The following RBM20 variants were observed in gnomAD, a reference collection of about 807,000 sequenced individuals.
RBM20 encodes RNA-binding protein 20.
Under a neutral mutation model 110.1 loss-of-function variants are expected in RBM20, and 51 were observed. The ratio of observed to expected loss-of-function variants is 0.46; its 90% confidence interval spans 0.37 to 0.59. The LOEUF (loss-of-function observed/expected upper bound fraction) is 0.59, where lower values mean the gene tolerates loss of function less well. Ranked by LOEUF, RBM20 falls within the 20% of genes least tolerant of loss-of-function variation. The pLI is 0.00. For missense variants in RBM20, 1,512 were observed against 1,574.9 expected (o/e 0.96, Z 0.68); for synonymous variants, 589 against 618.2 (o/e 0.95, Z 0.70).
At chr10:110,647,943 G>A (rs548648782) in intron 1 of RBM20, among the ~76,000 whole-genome samples, 1 of 152,292 alleles carries the variant, frequency 6.6e-6, no homozygotes, top group African/African-American at 2.4e-5. Context: ...ACTAGCCATG[G>A]AGGAAAGAAA....
intron 1 of RBM20, 54 bp from the exon 2 acceptor site, chr10:110,780,747 C>G: frequency 6.8e-7 from 1 of 1,466,678 alleles, no homozygotes; most frequent in Non-Finnish European, 9.0e-7. Flanking sequence ...AGAACAGCCC[C>G]TTGCCCCCCT....
chr10:110,786,227 A>T (rs1385766861), intron 5 of RBM20, among the ~76,000 whole-genome samples: 1 of 152,204 alleles, frequency 6.6e-6, no homozygotes, highest in East Asian at 1.9e-4. Flanking sequence ...GCTGGAGGGC[A>T]CCTGTTTGTG....
In RBM20 at chr10:110,797,756, C is replaced by T. The variant is rs6585014; in HGVS notation, c.1668+108C>T. 0.17 allele frequency: 194,952 copies of T among 1,178,428 alleles called. 20,509 individuals are homozygous for T. The highest frequency in any genetic ancestry group is 0.56 in the East Asian group (21,736 of 38,862). The allele number at this position is 1,178,428 out of a possible 1,614,324, so 73.0% of individuals were successfully genotyped here. A position where few individuals can be genotyped will look rare whatever the true frequency, so the allele number is the denominator to read the frequency against. Reference sequence around the variant, plus strand: ...CCATTCTTAACATAAAGAGGCGATGCCGTAGCTGGCCTTCTGTTGGCATGG... The same window carrying T: ...CCATTCTTAACATAAAGAGGCGATGTCGTAGCTGGCCTTCTGTTGGCATGG... On this transcript the variant is annotated intron_variant, in intron 6 of 13. Coordinates refer to ENST00000369519, the MANE Select transcript of RBM20 (RefSeq NM_001134363.3).
chr10:110,712,871 A>T (rs1182437047), intron 1 of RBM20, among the ~76,000 whole-genome samples: 1 of 152,186 alleles, frequency 6.6e-6, no homozygotes, highest in Non-Finnish European at 1.5e-5. Context: ...GTTTGGCATA[A>T]ACTGTTTTTG....
intron 1 of RBM20, among the ~76,000 whole-genome samples, chr10:110,763,627 G>A (rs1046112948): frequency 6.6e-5 from 10 of 151,784 alleles, no homozygotes; most frequent in African/African-American, 9.7e-5. Flanking sequence ...AAGGAGAAAA[G>A]TAAAAAAAAG....
At chr10:110,805,058 G>A (rs1844677826) in intron 7 of RBM20, among the ~76,000 whole-genome samples, 3 of 152,218 alleles carry the variant, frequency 2.0e-5, no homozygotes. Context: ...GAAGATGATT[G>A]AGAGTCTTCT....
intron 5 of RBM20, among the ~76,000 whole-genome samples, chr10:110,796,773 A>G (rs1293278747): frequency 6.6e-6 from 1 of 152,190 alleles, no homozygotes; most frequent in Non-Finnish European, 1.5e-5. Context: ...ATTATTCTAT[A>G]TCAGCACATT....
chr10:110,702,933 G>A, intron 1 of RBM20, among the ~76,000 whole-genome samples: 1 of 151,304 alleles, frequency 6.6e-6, no homozygotes, highest in East Asian at 1.9e-4. Flanking sequence ...TGAGCACCAT[G>A]TAAGTGTTTG....
intron 9 of RBM20, among the ~76,000 whole-genome samples, chr10:110,813,194 G>A (rs955063359): frequency 3.3e-5 from 5 of 152,160 alleles, no homozygotes; most frequent in Non-Finnish European, 5.9e-5. Flanking sequence ...GAGAACTTAC[G>A]TTATTTGTCC....
At chr10:110,673,579 G>A (rs561256676) in intron 1 of RBM20, among the ~76,000 whole-genome samples, 125 of 152,252 alleles carry the variant, frequency 8.2e-4, no homozygotes, top group African/African-American at 2.4e-3. Context: ...GTTTATTTCC[G>A]GCCAGCCTCA....
intron 1 of RBM20, among the ~76,000 whole-genome samples, chr10:110,778,596 T>C (rs1364805285): frequency 6.6e-6 from 1 of 152,258 alleles, no homozygotes; most frequent in African/African-American, 2.4e-5. Context: ...AGCATGCTTA[T>C]TGTACAGCAT....
intron 1 of RBM20, among the ~76,000 whole-genome samples, chr10:110,741,322 G>T (rs1045110988): frequency 6.6e-6 from 1 of 152,226 alleles, no homozygotes; most frequent in Non-Finnish European, 1.5e-5. Flanking sequence ...AGATAATAGA[G>T]AAATAACAGG....
At chr10:110,717,746 G>A (rs1471864885) in intron 1 of RBM20, among the ~76,000 whole-genome samples, 2 of 152,152 alleles carry the variant, frequency 1.3e-5, no homozygotes, top group Non-Finnish European at 2.9e-5. Context: ...TTCCTTGAGG[G>A]GAATTCCTCA....
At chr10:110,659,167 G>C (rs529021445) in intron 1 of RBM20, among the ~76,000 whole-genome samples, 1 of 152,346 alleles carries the variant, frequency 6.6e-6, no homozygotes, top group South Asian at 2.1e-4. Flanking sequence ...GGTGAGACCT[G>C]ATGTGACGCC....
intron 1 of RBM20, among the ~76,000 whole-genome samples, chr10:110,686,082 G>A (rs1862500610): frequency 6.6e-6 from 1 of 152,024 alleles, no homozygotes; most frequent in Non-Finnish European, 1.5e-5. Flanking sequence ...TTAATCTCAC[G>A]GACCTTACTT....
chr10:110,776,534 C>T (rs1479061500), intron 1 of RBM20, among the ~76,000 whole-genome samples: 1 of 152,162 alleles, frequency 6.6e-6, no homozygotes, highest in Non-Finnish European at 1.5e-5. Flanking sequence ...ATGGCCCCTT[C>T]CTCCATCTTC....
At chr10:110,832,946 G>T (rs1322612099) in intron 13 of RBM20, among the ~76,000 whole-genome samples, 1 of 152,182 alleles carries the variant, frequency 6.6e-6, no homozygotes, top group Admixed American at 6.5e-5. Context: ...AAAGCCAGCT[G>T]AGGGAAGTCA....
chr10:110,767,185 C>T (rs1844106719), intron 1 of RBM20, among the ~76,000 whole-genome samples: 1 of 129,480 alleles, frequency 7.7e-6, no homozygotes, highest in African/African-American at 2.7e-5. Context: ...ACCTCCCTCC[C>T]AGACGGGGCG....
intron 7 of RBM20, among the ~76,000 whole-genome samples, chr10:110,801,577 C>G (rs1246870689): frequency 6.6e-6 from 1 of 152,020 alleles, no homozygotes; most frequent in African/African-American, 2.4e-5. Flanking sequence ...GCTCTGTCAC[C>G]AGGCTGGAGC....
Sources: allele counts gnomAD v4.1 joint callset (sites outside exome capture counted in the v4.1 genomes callset), GRCh38; gene constraint gnomAD v4.1.1; transcripts MANE v1.5; gene names NCBI Gene and HGNC (gene_info 2026-07-23, HGNC 2026-07-21).